Variants in PACRG observed in about 807,000 individuals in gnomAD.
The protein encoded by PACRG is parkin coregulated.
A neutral mutation model predicts 29.7 loss-of-function variants in PACRG; 29 were observed. The ratio of observed to expected loss-of-function variants is 0.98; its 90% CI spans 0.73 to 1.33. PACRG has a LOEUF of 1.33. Ranked by LOEUF, PACRG falls within the 40% of genes most tolerant of loss-of-function variation. PACRG has a pLI of 0.00. For missense variants in PACRG, 279 were observed against 316.2 expected (o/e 0.88, Z 0.89); for synonymous variants, 116 against 118.7 (o/e 0.98, Z 0.15).
chr6:163,297,659 C>G (rs561799024), intron 4 of PACRG, among the ~76,000 whole-genome samples: 3 of 152,236 alleles, frequency 2.0e-5, no homozygotes, highest in African/African-American at 7.2e-5. Flanking sequence ...TTACATTGAA[C>G]AAATTCACAC....
At chr6:162,931,382 TAA>T (rs34315180) in intron 2 of PACRG, among the ~76,000 whole-genome samples, 1 of 151,322 alleles carries the variant, frequency 6.6e-6, no homozygotes, top group Non-Finnish European at 1.5e-5. Flanking sequence ...ATGTCATATA[TAA>T]AAAAAAATTT....
At chr6:163,164,629 T>C (rs556900723) in intron 4 of PACRG, among the ~76,000 whole-genome samples, 4 of 152,326 alleles carry the variant, frequency 2.6e-5, no homozygotes, top group African/African-American at 9.6e-5. Flanking sequence ...ATTGCAAAAC[T>C]ATCAGATTAA....
chr6:162,981,305 A>ATATATATATATATATTTTTTT (rs925663285), intron 2 of PACRG, among the ~76,000 whole-genome samples: 7 of 149,158 alleles, frequency 4.7e-5, no homozygotes, highest in African/African-American at 1.2e-4. Flanking sequence ...ATATATATAT[A>ATATATATATATATATTTTTTT]TTTACAATGG....
chr6:162,944,104 C>A (rs780641729), intron 2 of PACRG, among the ~76,000 whole-genome samples: 3 of 152,170 alleles, frequency 2.0e-5, no homozygotes, highest in Non-Finnish European at 4.4e-5. Flanking sequence ...ACTGCCACCA[C>A]TGGGGCCTGT....
rs138937063 is a variant in PACRG, at chr6:162,823,252, A to G, written c.291+8971A>G. Among the ~76,000 whole-genome samples, 758 of 151,944 alleles carry G rather than the reference A, an allele frequency of 5.0e-3. 5 individuals carry two copies. The highest frequency in any genetic ancestry group is 0.017 in the African/African-American group (712 of 41,448). On this transcript the variant is annotated intron_variant, in intron 2 of 4. Coordinates refer to ENST00000366888, the MANE Select transcript of PACRG (RefSeq NM_001080379.2). The stretch of plus-strand genomic sequence containing the variant: ...GTGTAATTAAAAATTGCTTCCATGT[A>G]TTTTTCTTTTCCTTTTGTGTATTCT...
intron 2 of PACRG, among the ~76,000 whole-genome samples, chr6:162,876,749 A>G (rs1793388053): frequency 6.6e-6 from 1 of 152,254 alleles, no homozygotes; most frequent in Middle Eastern, 3.4e-3. Context: ...TTTTGTTGCC[A>G]TTGCTTTTGG....
At chr6:163,235,272 G>A (rs1323867875) in intron 4 of PACRG, among the ~76,000 whole-genome samples, 2 of 152,240 alleles carry the variant, frequency 1.3e-5, no homozygotes, top group South Asian at 2.1e-4. Flanking sequence ...ACAGTCTAAT[G>A]ATAATCCTGA....
At chr6:163,290,269 C>T (rs985553949) in intron 4 of PACRG, among the ~76,000 whole-genome samples, 17 of 98,286 alleles carry the variant, frequency 1.7e-4, no homozygotes, top group African/African-American at 5.4e-4. Flanking sequence ...CGCATGCACG[C>T]GCGCGCGCGC....
chr6:163,054,770 A>G (rs1384702460), intron 2 of PACRG, among the ~76,000 whole-genome samples: 3 of 152,062 alleles, frequency 2.0e-5, no homozygotes, highest in Non-Finnish European at 2.9e-5. Context: ...TTCGCATCCC[A>G]GTTTCCACAC....
chr6:162,767,622 G>A (rs1375412737), intron 1 of PACRG, among the ~76,000 whole-genome samples: 2 of 151,268 alleles, frequency 1.3e-5, no homozygotes, highest in Non-Finnish European at 3.0e-5. Context: ...ACAATTTGGG[G>A]AGAATTTAAC....
rs747920107 is a variant in PACRG, at chr6:163,314,901, G to A, written c.688G>A (p.Glu230Lys). ...NIGDLIQETL[E>K]AFERYGGENA... is the part of the protein sequence containing the mutation. Reference sequence around the variant, plus strand: ...TGGGGACTTGATCCAGGAGACACTGGAGGCCTTCGAGCGCTACGGAGGAGA... The same window carrying A: ...TGGGGACTTGATCCAGGAGACACTGAAGGCCTTCGAGCGCTACGGAGGAGA... Residue 230 changes from glutamate (E) to lysine (K), a missense_variant, in exon 5 of 5, where the codon GAG becomes AAG. Transcript: ENST00000366888. 10 of 1,614,064 alleles carry A rather than the reference G, an allele frequency of 6.2e-6. No homozygotes were observed. In the African/African-American group the frequency reaches 1.3e-4, roughly 22 times the overall value.
At chr6:163,029,586 G>C (rs1647716471) in intron 2 of PACRG, among the ~76,000 whole-genome samples, 1 of 152,208 alleles carries the variant, frequency 6.6e-6, no homozygotes, top group Non-Finnish European at 1.5e-5. Flanking sequence ...TCAACTCAGT[G>C]GTGGAAAGGA....
intron 4 of PACRG, among the ~76,000 whole-genome samples, chr6:163,096,769 G>A (rs946552131): frequency 2.0e-5 from 3 of 152,160 alleles, no homozygotes; most frequent in African/African-American, 7.2e-5. Flanking sequence ...GCAGCACAGG[G>A]TTTATGGAGA....
At chr6:163,133,910 G>T (rs1238345503) in intron 4 of PACRG, among the ~76,000 whole-genome samples, 1 of 152,142 alleles carries the variant, frequency 6.6e-6, no homozygotes, top group Non-Finnish European at 1.5e-5. Context: ...TTAAAACAGG[G>T]TCTAACTCAT....
intron 2 of PACRG, among the ~76,000 whole-genome samples, chr6:162,834,981 G>A (rs1055148037): frequency 2.6e-5 from 4 of 152,046 alleles, no homozygotes; most frequent in South Asian, 2.1e-4. Flanking sequence ...TAACTTAAAC[G>A]AATATGCTTA....
In PACRG at chr6:163,168,558, A is replaced by AAACAACAACAAC. The variant is rs10684097; in HGVS notation, c.613+79161_613+79162insCAACAACAACAA. On this transcript the variant is annotated intron_variant, in intron 4 of 4. Coordinates refer to ENST00000366888, the MANE Select transcript of PACRG (RefSeq NM_001080379.2). ...ATCTGCTTTAACTCCTATTCTAATA[A>AAACAACAACAAC]AACAACAACAAGAACTCTGAAAATG... 4.5e-4 allele frequency among the ~76,000 whole-genome samples: 68 copies of AAACAACAACAAC among 151,678 alleles called. No individual in the cohort carries two copies. In the South Asian group the frequency reaches 5.0e-3, roughly 11 times the overall value.
intron 2 of PACRG, among the ~76,000 whole-genome samples, chr6:162,901,208 A>G (rs1584706260): frequency 1.3e-5 from 2 of 152,342 alleles, no homozygotes; most frequent in South Asian, 4.1e-4. Flanking sequence ...GAACCGACTA[A>G]GAGTGGGAGC....
intron 2 of PACRG, among the ~76,000 whole-genome samples, chr6:162,994,996 T>C (rs1461912965): frequency 6.6e-6 from 1 of 150,414 alleles, no homozygotes; most frequent in Non-Finnish European, 1.5e-5. Flanking sequence ...TGGAATACCC[T>C]GCCGAGTGAG....
intron 4 of PACRG, among the ~76,000 whole-genome samples, chr6:163,245,872 A>G (rs1030935776): frequency 6.6e-6 from 1 of 152,112 alleles, no homozygotes; most frequent in Non-Finnish European, 1.5e-5. Context: ...TTTACCAAGA[A>G]CCGTAAAGTT....
Sources: allele counts gnomAD v4.1 joint callset (sites outside exome capture counted in the v4.1 genomes callset), GRCh38; gene constraint gnomAD v4.1.1; transcripts MANE v1.5; gene names NCBI Gene and HGNC (gene_info 2026-07-23, HGNC 2026-07-21).